Variants in APLF observed in about 807,000 individuals in gnomAD.
APLF encodes the protein aprataxin and PNK-like factor.
APLF carries 61 observed loss-of-function variants against 55.6 expected under a neutral mutation model. That is an observed-to-expected ratio of 1.10 (90% CI 0.89 to 1.36). The LOEUF is 1.36. APLF is among the 40% of genes most tolerant of loss of function. The pLI is 0.00. For missense variants in APLF, 611 were observed against 602.5 expected (o/e 1.01, Z -0.15); for synonymous variants, 207 against 214.8 (o/e 0.96, Z 0.32).
chr2:68,469,022 TGTG>T (rs1411590588), intron 1 of APLF, among the ~76,000 whole-genome samples: 2 of 76,164 alleles, frequency 2.6e-5, no homozygotes, highest in African/African-American at 1.2e-4. Context: ...GTGTGTGTGT[TGTG>T]TGTTGTGTGT....
chr2:68,553,015 A>T (rs1271108226), intron 8 of APLF, among the ~76,000 whole-genome samples: 2 of 152,048 alleles, frequency 1.3e-5, no homozygotes, highest in Non-Finnish European at 2.9e-5. Flanking sequence ...AAATAAGGGG[A>T]TGTAAACTAA....
chr2:68,571,415 T>C lies in APLF; in HGVS notation c.1333+4028T>C, dbSNP rs541618127. On this transcript the variant is annotated intron_variant, in intron 9 of 9. Coordinates refer to ENST00000303795, the MANE Select transcript of APLF (RefSeq NM_173545.3). ...ATTGCCTAGGTTTTCTTCTAGGGTTTTTATGGTTTTAGGTCTAACATTTAA... is the reference window on the plus strand; with the variant it reads ...ATTGCCTAGGTTTTCTTCTAGGGTTCTTATGGTTTTAGGTCTAACATTTAA... 2.7e-4 allele frequency among the ~76,000 whole-genome samples: 41 copies of C among 152,292 alleles called. No homozygotes were observed. The East Asian group carries it at 7.5e-3, about 28-fold the overall frequency.
chr2:68,492,344 G>A (rs891169437), intron 2 of APLF, among the ~76,000 whole-genome samples: 5 of 152,110 alleles, frequency 3.3e-5, no homozygotes, highest in Non-Finnish European at 7.4e-5. Context: ...CGGGCACGGT[G>A]GTGGGCGCCT....
chr2:68,558,729 A>C (rs1202155414), intron 8 of APLF, among the ~76,000 whole-genome samples: 1 of 152,142 alleles, frequency 6.6e-6, no homozygotes, highest in Non-Finnish European at 1.5e-5. Context: ...TGCACAGATC[A>C]ACCCGTCACC....
chr2:68,548,807 A>G (rs1670779625), intron 8 of APLF, among the ~76,000 whole-genome samples: 1 of 151,530 alleles, frequency 6.6e-6, no homozygotes, highest in African/African-American at 2.4e-5. Context: ...AGAATGTAGA[A>G]TAAGTTCTAG....
chr2:68,564,645 G>C (rs947226972), intron 8 of APLF, among the ~76,000 whole-genome samples: 1 of 152,058 alleles, frequency 6.6e-6, no homozygotes, highest in African/African-American at 2.4e-5. Flanking sequence ...TATGGGTTCT[G>C]TTGTTATCTC....
chr2:68,579,084 G>C lies in APLF; in HGVS notation c.*1062G>C. The C allele has an allele frequency of 1.0e-6, 1 of 979,736 alleles. No homozygotes were observed. Among genetic ancestry groups the C allele is most frequent in the Non-Finnish European group, 1.2e-6 (1 of 824,914 alleles). The allele number at this position is 979,736 out of a possible 1,614,324, so 60.7% of individuals were successfully genotyped here. A position where few individuals can be genotyped will look rare whatever the true frequency, so the allele number is the denominator to read the frequency against. On this transcript the variant is annotated 3_prime_UTR_variant, in exon 10 of 10. Coordinates refer to ENST00000303795, the MANE Select transcript of APLF (RefSeq NM_173545.3). Reference sequence around the variant, plus strand: ...ATTTATTGAAATCATAAATCACTAAGCCAAAAGAATCTTTGTTAAATGCTA... The same window carrying C: ...ATTTATTGAAATCATAAATCACTAACCCAAAAGAATCTTTGTTAAATGCTA...
chr2:68,503,443 T>G (rs1263846920), intron 3 of APLF, among the ~76,000 whole-genome samples: 1 of 152,146 alleles, frequency 6.6e-6, no homozygotes, highest in Admixed American at 6.6e-5. Context: ...TGGCTTCATT[T>G]CAGCTTTTAA....
intron 3 of APLF, among the ~76,000 whole-genome samples, chr2:68,511,004 A>T (rs1040629904): frequency 1.4e-4 from 22 of 152,012 alleles, no homozygotes; most frequent in African/African-American, 5.3e-4. Flanking sequence ...AATGGTTGCG[A>T]GGAGCAGGAG....
chr2:68,553,341 A>C (rs1670916829), intron 8 of APLF, among the ~76,000 whole-genome samples: 1 of 152,128 alleles, frequency 6.6e-6, no homozygotes, highest in African/African-American at 2.4e-5. Flanking sequence ...TTGAGCAAAA[A>C]ACATACTTAA....
chr2:68,527,352 C>A (rs549727793), intron 6 of APLF, among the ~76,000 whole-genome samples: 1 of 150,052 alleles, frequency 6.7e-6, no homozygotes. Context: ...GGGGCAGAGG[C>A]ACTCCTCACT....
In APLF at chr2:68,502,721, A is replaced by G; in HGVS notation, c.169-10A>G. ...TTTAAATTTAATTATATTCTTTTTT[A>G]ATTTGTTAGATACACACAAATCCAT... On this transcript the variant is annotated splice_polypyrimidine_tract_variant and intron_variant, in intron 2 of 9. Transcript: ENST00000303795. 1.4e-6 allele frequency: 2 copies of G among 1,386,784 alleles called. No individual in the cohort carries two copies. Among genetic ancestry groups the G allele is most frequent in the Non-Finnish European group, 1.9e-6 (2 of 1,056,312 alleles). The allele number at this position is 1,386,784 out of a possible 1,614,324, so 85.9% of individuals were successfully genotyped here.
At chr2:68,502,086 A>G (rs1676739544) in intron 2 of APLF, among the ~76,000 whole-genome samples, 1 of 152,172 alleles carries the variant, frequency 6.6e-6, no homozygotes. Flanking sequence ...CTCGCGAGAT[A>G]ACAAAGTTGC....
At chr2:68,483,163 T>C (rs1676017810) in intron 1 of APLF, among the ~76,000 whole-genome samples, 1 of 152,140 alleles carries the variant, frequency 6.6e-6, no homozygotes. Flanking sequence ...TGCTATGCTG[T>C]AGCAGCTTAG....
At chr2:68,565,040 A>G (rs1251671861) in intron 8 of APLF, among the ~76,000 whole-genome samples, 1 of 152,122 alleles carries the variant, frequency 6.6e-6, no homozygotes, top group East Asian at 1.9e-4. Context: ...ACAGTCACAT[A>G]CAGTTAGTGG....
chr2:68,564,864 C>G (rs1243270302), intron 8 of APLF, among the ~76,000 whole-genome samples: 1 of 152,054 alleles, frequency 6.6e-6, no homozygotes. Context: ...TGTAATTAAT[C>G]TTGGCTGAGG....
At chr2:68,536,818 G>A (rs1670403462) in intron 6 of APLF, among the ~76,000 whole-genome samples, 1 of 152,134 alleles carries the variant, frequency 6.6e-6, no homozygotes, top group Middle Eastern at 3.4e-3. Context: ...TTCAGCTATG[G>A]TAAAATCATG....
chr2:68,507,982 A>G (rs1047826249), intron 3 of APLF, among the ~76,000 whole-genome samples: 4 of 151,846 alleles, frequency 2.6e-5, no homozygotes, highest in Admixed American at 2.0e-4. Context: ...GGTGATGAAA[A>G]TGTCATGATA....
intron 2 of APLF, among the ~76,000 whole-genome samples, chr2:68,496,076 G>A (rs113700982): frequency 0.013 from 2,020 of 152,186 alleles, 37 homozygotes; most frequent in African/African-American, 0.045. Context: ...CCATTGTCTT[G>A]GATATTAGAA....
Sources: allele counts gnomAD v4.1 joint callset (sites outside exome capture counted in the v4.1 genomes callset), GRCh38; gene constraint gnomAD v4.1.1; transcripts MANE v1.5; gene names NCBI Gene and HGNC (gene_info 2026-07-23, HGNC 2026-07-21).